SPATA24: variants seen among roughly 807,000 people sequenced by gnomAD.
SPATA24 encodes spermatogenesis-associated protein 24.
A neutral mutation model predicts 28.9 loss-of-function variants in SPATA24; 21 were observed. That is an observed-to-expected ratio of 0.73 (90% CI 0.52 to 1.05). The LOEUF is 1.05. Among genes scored for constraint, SPATA24 ranks in the 50% least tolerant of loss-of-function variants. The probability of loss-of-function intolerance (pLI) is 0.00; values close to 1 mark genes in which losing one functional copy is unlikely to be tolerated. For synonymous variants in SPATA24, 76 were observed against 89.9 expected (o/e 0.85, Z 0.88); for missense variants, 215 against 242.9 (o/e 0.88, Z 0.76).
chr5:139,402,993 G>C (rs1168908705), intron 1 of SPATA24, among the ~76,000 whole-genome samples: 1 of 152,172 alleles, frequency 6.6e-6, no homozygotes, highest in Admixed American at 6.5e-5. Context: ...ACCCAGCCTG[G>C]GGAAGGGTCA....
At chr5:139,394,236 C>T, downstream of SPATA24, 1 of 1,548,628 alleles carries the variant, frequency 6.5e-7, no homozygotes, top group South Asian at 1.2e-5. Flanking sequence ...GGGCCGTTTC[C>T]CGGGTCTCAG....
chr5:139,396,402 C>CT (rs1758706743), downstream of SPATA24: 2 of 985,286 alleles, frequency 2.0e-6, no homozygotes, highest in Middle Eastern at 5.2e-4. Flanking sequence ...GGTGCAAATG[C>CT]AATTTGCAGG....
intron 1 of SPATA24, 81 bp downstream of exon 1, chr5:139,403,863 C>A: frequency 8.2e-7 from 1 of 1,218,434 alleles, no homozygotes; most frequent in East Asian, 2.5e-5. Context: ...CCACGGCCCC[C>A]GCATCGGAAC....
At chr5:139,393,380 G>A (rs1167514790), downstream of SPATA24, 1 of 1,551,608 alleles carries the variant, frequency 6.4e-7, no homozygotes, top group East Asian at 2.4e-5. Context: ...GAAATTTCCC[G>A]CGTGGATGGA....
In SPATA24 at chr5:139,401,756, A is replaced by C; in HGVS notation, c.384T>G (p.Asn128Lys). 1 of 1,551,268 alleles carries C rather than the reference A, an allele frequency of 6.4e-7. No homozygotes were observed. The highest frequency in any genetic ancestry group is 8.7e-7 in the Non-Finnish European group (1 of 1,146,732). Reference protein sequence around the residue: ...SKKDQLITKCNEIESHIIKQE... With the variant: ...SKKDQLITKCKEIESHIIKQE... The stretch of plus-strand genomic sequence containing the variant: ...GGAGAGCACGGGCCTCCCGCCTACC[A>C]TTGCACTTGGTGATGAGCTGGTCCT... Residue 128 changes from asparagine to lysine, a missense_variant and splice_region_variant, in exon 4 of 6, where the codon AAT (asparagine) becomes AAG (lysine). Asn to Lys is a moderately conservative substitution (Grantham distance 94, BLOSUM62 0). Transcript: ENST00000450845.
chr5:139,397,594 C>T (rs745910678), intron 4 of SPATA24, among the ~76,000 whole-genome samples: 39 of 150,298 alleles, frequency 2.6e-4, no homozygotes, highest in Non-Finnish European at 3.8e-4. Context: ...CTTGCTCTGT[C>T]GCCAGGCTGG....
rs1379886229 is a variant in SPATA24, at chr5:139,396,924, T to G, written c.494A>C (p.His165Pro). 1.3e-6 allele frequency: 2 copies of G among 1,551,672 alleles called. No homozygotes were observed. The highest frequency in any genetic ancestry group is 1.7e-6 in the Non-Finnish European group (2 of 1,146,984). Residue 165 changes from histidine (H) to proline (P), a missense_variant, in exon 6 of 6, where the codon CAC becomes CCC. By Grantham distance (77) the His-to-Pro change is moderately conservative. Transcript: ENST00000450845. Reference protein sequence around the residue: ...ISQQKQIFRNHMSDFRIQKQQ... With the variant: ...ISQQKQIFRNPMSDFRIQKQQ... Reference sequence around the variant, plus strand: ...CTTCTGGATCCGGAAGTCAGACATGTGATTCCTGCAACGGAGCCGGCTGGT... The same window carrying G: ...CTTCTGGATCCGGAAGTCAGACATGGGATTCCTGCAACGGAGCCGGCTGGT...
downstream of SPATA24, chr5:139,394,694 C>G: frequency 1.2e-5 from 19 of 1,533,744 alleles, no homozygotes; most frequent in Non-Finnish European, 1.6e-5. Flanking sequence ...TGTTGCGCCT[C>G]GCGATCGTCT....
chr5:139,394,709 C>G (rs950894759), downstream of SPATA24: 4 of 1,532,828 alleles, frequency 2.6e-6, no homozygotes, highest in Non-Finnish European at 3.5e-6. Flanking sequence ...TCGTCTGCGC[C>G]GGAGCAGCCG....
chr5:139,395,376 TG>T, downstream of SPATA24: 1 of 346,698 alleles, frequency 2.9e-6, no homozygotes, highest in African/African-American at 2.1e-5. Context: ...TTCAAAGCCT[TG>T]GAGCCAGGAG....
downstream of SPATA24, chr5:139,394,405 G>T: frequency 7.2e-7 from 1 of 1,389,686 alleles, no homozygotes; most frequent in South Asian, 1.6e-5. Flanking sequence ...CCGGGGGCGC[G>T]GCGCGCCGGC....
intron 4 of SPATA24, among the ~76,000 whole-genome samples, chr5:139,397,744 G>A (rs1196177738): frequency 6.6e-6 from 1 of 151,968 alleles, no homozygotes; most frequent in Non-Finnish European, 1.5e-5. Context: ...TAGTAGAGAT[G>A]GGGTTTCACC....
At chr5:139,399,751 G>A (rs992860956) in intron 4 of SPATA24, among the ~76,000 whole-genome samples, 2 of 152,234 alleles carry the variant, frequency 1.3e-5, no homozygotes, top group African/African-American at 4.8e-5. Context: ...CACATCACCA[G>A]ACTGGCTCAG....
intron 4 of SPATA24, among the ~76,000 whole-genome samples, chr5:139,398,546 C>A (rs897160250): frequency 6.6e-6 from 1 of 152,192 alleles, no homozygotes; most frequent in Admixed American, 6.5e-5. Flanking sequence ...GCACTCCAGC[C>A]TGGGTGACAG....
chr5:139,394,442 G>T (rs976581721), downstream of SPATA24: 1 of 1,396,110 alleles, frequency 7.2e-7, no homozygotes, highest in Admixed American at 3.6e-5. Context: ...TGGGGCCGGG[G>T]GCGCAGCTCG....
downstream of SPATA24, chr5:139,393,750 G>A (rs1351607427): frequency 6.4e-7 from 1 of 1,551,388 alleles, no homozygotes; most frequent in South Asian, 1.2e-5. Flanking sequence ...CAGTTTCCTC[G>A]ACGGCAGGAT....
At chr5:139,395,202 A>G (rs1470576315), downstream of SPATA24, 16 of 1,038,776 alleles carry the variant, frequency 1.5e-5, no homozygotes. Flanking sequence ...GGCCGCGTCC[A>G]CTCCTGAGCC....
Position 139,402,682 on chromosome 5 carries a change from C to T in SPATA24, c.129G>A (p.Gln43=). ...CTTCTTTACTGACAAAATTTTCGTC[C>T]TGGAGAACCATCTGCAACAGAGCCT... ...IHQLRNVMVL[Q]DENFVSKEEF... Residue 43 remains glutamine, a synonymous_variant, in exon 2 of 6, where the codon CAG becomes CAA. Coordinates refer to ENST00000450845, the MANE Select transcript of SPATA24 (RefSeq NM_194296.2). The T allele has an allele frequency of 6.4e-7, 1 of 1,551,878 alleles. No individual in the cohort carries two copies. Among genetic ancestry groups the T allele is most frequent in the South Asian group, 1.2e-5 (1 of 84,064 alleles).
chr5:139,392,879 G>A (rs1363351533), downstream of SPATA24: 27 of 1,544,880 alleles, frequency 1.7e-5, no homozygotes, highest in Non-Finnish European at 2.4e-5. This position sits in a 1 kb window ranked among gnomAD's most constrained non-coding sequence, Gnocchi z 5.8. Context: ...GCCCCAGGCA[G>A]GCGGATCTCT....
Sources: gnomAD v4.1 joint callset for allele counts (sites outside exome capture counted in the v4.1 genomes callset) on GRCh38, gnomAD v4.1.1 for gene constraint, Gnocchi (gnomAD v3.1) non-coding constraint, MANE v1.5 for transcripts, NCBI Gene and HGNC (gene_info 2026-07-23, HGNC 2026-07-21) for gene names.